The following BAG4 variants were observed in gnomAD, a reference collection of about 807,000 sequenced individuals.
BAG4 encodes BAG family molecular chaperone regulator 4.
Under a neutral mutation model 52.1 loss-of-function variants are expected in BAG4, and 28 were observed. That is an observed-to-expected ratio of 0.54 (90% confidence interval 0.40 to 0.74). BAG4 has a LOEUF of 0.74. Ranked by LOEUF, BAG4 falls within the 30% of genes least tolerant of loss-of-function variation. The probability of loss-of-function intolerance (pLI) is 0.00; values close to 1 mark genes in which losing one functional copy is unlikely to be tolerated. For missense variants in BAG4, 525 were observed against 572.0 expected, an observed-to-expected ratio of 0.92 and a Z score of 0.84; for synonymous variants, 208 against 217.0, an observed-to-expected ratio of 0.96 and a Z score of 0.37.
Position 38,176,938 on chromosome 8 carries a change from T to C in BAG4, c.69T>C (p.Pro23=). ...DGPSYGRYYG[P]GGGDVPVHPP... ...CGTCCTACGGCCGCTACTACGGGCC[T>C]GGGGGTGGAGATGTGCCGGTACACC... The change falls in exon 1 of 5, where the codon CCT becomes CCC. Residue 23 remains proline, a synonymous_variant. Coordinates refer to ENST00000287322, the MANE Select transcript of BAG4 (RefSeq NM_004874.4). 1 of 1,554,252 alleles carries C rather than the reference T, an allele frequency of 6.4e-7. No individual in the cohort carries two copies. Among genetic ancestry groups the C allele is most frequent in the Non-Finnish European group, 8.7e-7 (1 of 1,149,252 alleles).
intron 2 of BAG4, among the ~76,000 whole-genome samples, chr8:38,203,443 C>T (rs1803716539): frequency 6.6e-6 from 1 of 151,976 alleles, no homozygotes; most frequent in Non-Finnish European, 1.5e-5. Context: ...CCACCACGCC[C>T]AGCTAATTTT....
At chr8:38,192,613 C>A in intron 1 of BAG4, 75 bp from the exon 2 acceptor site, 1 of 1,175,614 alleles carries the variant, frequency 8.5e-7, no homozygotes. Context: ...ATCCTTATAA[C>A]CTGCCTCTAT....
At chr8:38,209,441 T>G in intron 4 of BAG4, 174 bp downstream of exon 4, 1 of 752,522 alleles carries the variant, frequency 1.3e-6, no homozygotes, top group Non-Finnish European at 2.0e-6. Context: ...TTTAATAGAC[T>G]TTATATTTAG....
At chr8:38,197,768 C>T (rs939458105) in intron 2 of BAG4, among the ~76,000 whole-genome samples, 3 of 152,108 alleles carry the variant, frequency 2.0e-5, no homozygotes, top group Non-Finnish European at 2.9e-5. Flanking sequence ...GGCGTGATCT[C>T]GGCTCTCTGC....
chr8:38,185,667 C>T (rs760398755), intron 1 of BAG4, among the ~76,000 whole-genome samples: 3 of 152,128 alleles, frequency 2.0e-5, no homozygotes, highest in Admixed American at 1.3e-4. Flanking sequence ...CAGGTTCAAG[C>T]GATTCTCTTG....
At chr8:38,197,439 G>T (rs1803580707) in intron 2 of BAG4, among the ~76,000 whole-genome samples, 1 of 152,054 alleles carries the variant, frequency 6.6e-6, no homozygotes, top group Admixed American at 6.6e-5. Flanking sequence ...ATATAGAAAA[G>T]ATACAGTAAA....
In BAG4 at chr8:38,211,356, ATC is replaced by A. The variant is rs983680830; in HGVS notation, c.*865_*866del. The A allele has an allele frequency of 2.1e-5, 3 of 146,170 alleles. No homozygotes were observed. The highest frequency in any genetic ancestry group is 7.6e-5 in the African/African-American group (3 of 39,710). The allele number at this position is 146,170 out of a possible 1,614,324, so 9.1% of individuals were successfully genotyped here. On this transcript the variant is annotated 3_prime_UTR_variant, in exon 5 of 5. Coordinates refer to ENST00000287322, the MANE Select transcript of BAG4 (RefSeq NM_004874.4). Reference sequence around the variant, plus strand: ...TTGGATAAAGATCCACTTAAAAGTTATCTGTTTTTTCCTGTTTTTTTTTTTTT... The same window carrying A: ...TTGGATAAAGATCCACTTAAAAGTTATGTTTTTTCCTGTTTTTTTTTTTTT...
intron 1 of BAG4, among the ~76,000 whole-genome samples, chr8:38,186,003 A>G (rs1803360647): frequency 6.6e-6 from 1 of 152,134 alleles, no homozygotes; most frequent in Non-Finnish European, 1.5e-5. Context: ...GTAGCCAAGA[A>G]CACAGGGCTC....
In BAG4 at chr8:38,194,566, C is replaced by T. The variant is rs373769979; in HGVS notation, c.378+1771C>T. ...GAGTAGCTGGGATTACAGGTGTCTG[C>T]CACCATGCCCGGCTAATTTTTGTAT... On this transcript the variant is annotated intron_variant, in intron 2 of 4. Transcript: ENST00000287322. Among the ~76,000 whole-genome samples, 115 of 151,524 alleles carry T rather than the reference C, an allele frequency of 7.6e-4. 2 individuals are homozygous for T. In the Middle Eastern group the frequency reaches 0.021, roughly 27 times the overall value.
At chr8:38,177,596 T>C (rs935715823) in intron 1 of BAG4, among the ~76,000 whole-genome samples, 3 of 152,220 alleles carry the variant, frequency 2.0e-5, no homozygotes, top group African/African-American at 7.2e-5. Flanking sequence ...TCTGGGCATT[T>C]AGCTGTTTGC....
intron 1 of BAG4, among the ~76,000 whole-genome samples, chr8:38,177,343 A>C (rs188099527): frequency 2.8e-4 from 42 of 152,312 alleles, no homozygotes; most frequent in African/African-American, 9.9e-4. Flanking sequence ...ACCCCAAAAA[A>C]TATGTTTATT....
intron 1 of BAG4, among the ~76,000 whole-genome samples, chr8:38,178,693 A>C (rs1377290946): frequency 6.6e-6 from 1 of 152,246 alleles, no homozygotes; most frequent in Non-Finnish European, 1.5e-5. Context: ...TACGTGAGCT[A>C]AGTCAGTCAG....
At chr8:38,191,596 T>C (rs1803474679) in intron 1 of BAG4, among the ~76,000 whole-genome samples, 1 of 151,958 alleles carries the variant, frequency 6.6e-6, no homozygotes, top group Non-Finnish European at 1.5e-5. Flanking sequence ...CGGTCTCTAC[T>C]AAAAGTACAA....
chr8:38,209,184 C>T lies in BAG4; in HGVS notation c.805C>T (p.Leu269Phe), dbSNP rs752159666. The T allele has an allele frequency of 4.3e-6, 7 of 1,614,184 alleles. No homozygotes were observed. Among genetic ancestry groups the T allele is most frequent in the East Asian group, 4.5e-5 (2 of 44,882 alleles). Residue 269 changes from leucine (L) to phenylalanine (F), a missense_variant, in exon 4 of 5, where the codon CTC becomes TTC. Leu to Phe is a conservative substitution (Grantham distance 22). This residue lies in a region of BAG4 where 238 missense variants were observed against 305.8 expected (regional missense o/e 0.78). Coordinates refer to ENST00000287322, the MANE Select transcript of BAG4 (RefSeq NM_004874.4). ...SSAPSAPPGN[L>F]YMTESTSPWP... ...AGCGCCCTCAGCACCACCCGGCAATCTCTACATGACTGAAAGTACTTCACC... is the reference window on the plus strand; with the variant it reads ...AGCGCCCTCAGCACCACCCGGCAATTTCTACATGACTGAAAGTACTTCACC...
intron 2 of BAG4, among the ~76,000 whole-genome samples, chr8:38,204,527 G>C (rs1289265763): frequency 6.6e-6 from 1 of 151,442 alleles, no homozygotes; most frequent in Non-Finnish European, 1.5e-5. Context: ...TAATGGCCAG[G>C]CATGGTATAA....
intron 2 of BAG4, among the ~76,000 whole-genome samples, chr8:38,200,006 C>T (rs1227641685): frequency 7.0e-6 from 1 of 143,594 alleles, no homozygotes; most frequent in East Asian, 2.1e-4. Context: ...ATCTTGGTAC[C>T]CCCTTTTTTT....
intron 1 of BAG4, among the ~76,000 whole-genome samples, chr8:38,183,906 A>G (rs1309725201): frequency 6.6e-6 from 1 of 152,238 alleles, no homozygotes; most frequent in African/African-American, 2.4e-5. Flanking sequence ...CCCAAGACAC[A>G]TAATCAGCCA....
chr8:38,200,844 T>A (rs1044417781), intron 2 of BAG4, among the ~76,000 whole-genome samples: 4 of 152,156 alleles, frequency 2.6e-5, no homozygotes, highest in African/African-American at 9.7e-5. Context: ...GTGATCCGCT[T>A]GCCTTGGCCT....
chr8:38,195,725 A>G (rs1803551482), intron 2 of BAG4, among the ~76,000 whole-genome samples: 1 of 152,232 alleles, frequency 6.6e-6, no homozygotes, highest in South Asian at 2.1e-4. Context: ...ACTGAAATTG[A>G]GAAGTAGACA....
Sources: gnomAD v4.1 joint callset for allele counts (sites outside exome capture counted in the v4.1 genomes callset) on GRCh38, gnomAD v4.1.1 for gene constraint, gnomAD v4.1.1 regional missense constraint, MANE v1.5 for transcripts, NCBI Gene and HGNC (gene_info 2026-07-23, HGNC 2026-07-21) for gene names.